SLC19A1: variants seen among roughly 807,000 people sequenced by gnomAD.
The protein encoded by SLC19A1 is solute carrier family 19 member 1.
Under a neutral mutation model 35.3 loss-of-function variants are expected in SLC19A1, and 37 were observed. The ratio of observed to expected loss-of-function variants is 1.05; its 90% confidence interval spans 0.81 to 1.38. The LOEUF (loss-of-function observed/expected upper bound fraction) is 1.38. Among genes scored for constraint, SLC19A1 ranks in the 40% most tolerant of loss-of-function variants. The pLI, the probability that SLC19A1 is intolerant of heterozygous loss-of-function variation, is 0.00. For missense variants in SLC19A1, 831 were observed against 826.9 expected (o/e 1.00, Z -0.06); for synonymous variants, 460 against 398.5 (o/e 1.15, Z -1.84).
chr21:45,557,673 C>T lies in SLC19A1; in HGVS notation c.-50+5069G>A, dbSNP rs147436174. On this transcript the variant is annotated intron_variant, in intron 1 of 5. Coordinates refer to the SLC19A1 transcript ENST00000650808. ...AGCAGAAGGGATGCTCTGAGGCTCC[C>T]GGGGAGCCTCAACCCTCCACCACAC... Among the ~76,000 whole-genome samples, 461 of 152,150 alleles carry T rather than the reference C, an allele frequency of 3.0e-3. 1 individual carries two copies. The highest frequency in any genetic ancestry group is 0.01 in the Middle Eastern group (3 of 294).
chr21:45,557,732 C>T (rs758925027), intron 1 of SLC19A1, among the ~76,000 whole-genome samples: 7 of 152,132 alleles, frequency 4.6e-5, no homozygotes, highest in Non-Finnish European at 7.3e-5. Context: ...CCGTGTCCTG[C>T]GCTCTGGTGA....
chr21:45,511,182 C>T (rs886057135), downstream of SLC19A1: 1 of 1,600,648 alleles, frequency 6.2e-7, no homozygotes, highest in South Asian at 1.1e-5. Context: ...CCGGGGCACG[C>T]ATCTTCTCCT....
chr21:45,505,230 C>CT, intron 3 of SLC19A1: 1 of 1,594,414 alleles, frequency 6.3e-7, no homozygotes. Flanking sequence ...CCCTCCCGGC[C>CT]CCCCAGGCCC....
At chr21:45,536,860 AGC>A (rs1471223678) in intron 2 of SLC19A1, among the ~76,000 whole-genome samples, 2 of 152,040 alleles carry the variant, frequency 1.3e-5, no homozygotes, top group Non-Finnish European at 2.9e-5. Flanking sequence ...AGCCTGTGAG[AGC>A]GCTTTTCCAG....
Position 45,505,973 on chromosome 21 carries a change from G to A in SLC19A1, c.498-7361C>T, listed in dbSNP as rs370117658. 78 of 1,612,892 alleles carry A rather than the reference G, an allele frequency of 4.8e-5. No individual in the cohort carries two copies. Among genetic ancestry groups the A allele is most frequent in the Non-Finnish European group, 6.1e-5 (72 of 1,179,932 alleles). On this transcript the variant is annotated intron_variant, in intron 3 of 4. Coordinates refer to the SLC19A1 transcript ENST00000417954. ...CGGGTTCCGGAAGGTCCAGGTGAGC[G>A]CTCTGTGTGACGGGTTCTGGACCCG...
intron 1 of SLC19A1, among the ~76,000 whole-genome samples, chr21:45,560,828 G>A (rs1005177749): frequency 4.6e-5 from 7 of 152,356 alleles, no homozygotes; most frequent in African/African-American, 1.2e-4. Flanking sequence ...AGGGAGGCCC[G>A]AGCCCCGGAG....
intron 3 of SLC19A1, chr21:45,506,052 C>T: frequency 1.9e-6 from 3 of 1,600,506 alleles, no homozygotes; most frequent in Middle Eastern, 1.9e-4. Flanking sequence ...GGCTCAGGCC[C>T]CGGACAGGGA....
At chr21:45,526,016 G>A (rs1158616888) in intron 4 of SLC19A1, 58 bp from the exon 5 acceptor site, 2 of 1,583,206 alleles carry the variant, frequency 1.3e-6, no homozygotes, top group African/African-American at 2.7e-5. Context: ...GCAGCCACAG[G>A]GAAAAGCCTG....
Position 45,514,966 on chromosome 21 carries a change from G to A in SLC19A1, c.*692C>T. The A allele has an allele frequency of 4.7e-6, 7 of 1,485,790 alleles. No homozygotes were observed. The highest frequency in any genetic ancestry group is 6.2e-6 in the Non-Finnish European group (7 of 1,121,070). The allele number at this position is 1,485,790 out of a possible 1,614,324, so 92.0% of individuals were successfully genotyped here. On this transcript the variant is annotated 3_prime_UTR_variant, in exon 6 of 6. Coordinates refer to ENST00000311124, the MANE Select transcript of SLC19A1 (RefSeq NM_194255.4). ...TGGCACAAGTGTGGGAGCAGCTGAG[G>A]ACCCGCAGGTCAGGATGGACACACT...
intron 1 of SLC19A1, among the ~76,000 whole-genome samples, chr21:45,559,245 C>A (rs1351605718): frequency 6.6e-6 from 1 of 152,230 alleles, no homozygotes; most frequent in Non-Finnish European, 1.5e-5. Context: ...CCATGAAGAA[C>A]TGCCAGCCCC....
Position 45,530,714 on chromosome 21 carries a change from C to T in SLC19A1, c.1151+56G>A, listed in dbSNP as rs930260678. 2.6e-6 allele frequency: 4 copies of T among 1,517,094 alleles called. No homozygotes were observed. Among genetic ancestry groups the T allele is most frequent in the Non-Finnish European group, 3.6e-6 (4 of 1,122,188 alleles). The allele number at this position is 1,517,094 out of a possible 1,614,324, so 94.0% of individuals were successfully genotyped here. On this transcript the variant is annotated intron_variant, in intron 4 of 5. Coordinates refer to ENST00000311124, the MANE Select transcript of SLC19A1 (RefSeq NM_194255.4). This position sits in a 1 kb window ranked among gnomAD's most constrained non-coding sequence, Gnocchi z 5.3. ...GAAGGTGGGAGCACCCAGCGAAGCG[C>T]GGGGCTTGATCCTGGCGCCTGCCCG...
chr21:45,537,989 G>T lies in SLC19A1; in HGVS notation c.-30C>A. The T allele has an allele frequency of 1.4e-6, 2 of 1,470,314 alleles. No individual in the cohort carries two copies. The highest frequency in any genetic ancestry group is 1.8e-6 in the Non-Finnish European group (2 of 1,106,598). The allele number at this position is 1,470,314 out of a possible 1,614,324, so 91.1% of individuals were successfully genotyped here. A position where few individuals can be genotyped will look rare whatever the true frequency, so the allele number is the denominator to read the frequency against. ...CTCAGGCCACGTGCAGCTCCGGAGG[G>T]GACGAAGGTGACGCTGTGCCTGGAA... is the stretch of plus-strand genomic sequence containing the variant. On this transcript the variant is annotated 5_prime_UTR_variant, in exon 2 of 6. Coordinates refer to ENST00000311124, the MANE Select transcript of SLC19A1 (RefSeq NM_194255.4).
intron 2 of SLC19A1, among the ~76,000 whole-genome samples, chr21:45,537,171 G>A (rs1284420933): frequency 6.6e-6 from 1 of 152,198 alleles, no homozygotes; most frequent in African/African-American, 2.4e-5. Flanking sequence ...CCTGGCGGGT[G>A]GGGTGGGGCA....
At chr21:45,537,719 T>TGGGGGGGGGGGCCCCCCCCCCC in intron 2 of SLC19A1, 52 bp downstream of exon 2, 1 of 319,776 alleles carries the variant, frequency 3.1e-6, no homozygotes, top group Non-Finnish European at 5.6e-6. Context: ...CAGACGCTGC[T>TGGGGGGGGGGGCCCCCCCCCCC]CCCCGCCCAC....
At chr21:45,518,050 GACA>G (rs2038055825) in intron 5 of SLC19A1, among the ~76,000 whole-genome samples, 1 of 152,170 alleles carries the variant, frequency 6.6e-6, no homozygotes, top group South Asian at 2.1e-4. Context: ...CCAACACTAA[GACA>G]ACACAGACAG....
At chr21:45,558,133 A>C (rs1327905898) in intron 1 of SLC19A1, among the ~76,000 whole-genome samples, 1 of 152,204 alleles carries the variant, frequency 6.6e-6, no homozygotes, top group African/African-American at 2.4e-5. Flanking sequence ...CTGACGAGAG[A>C]CTGGAGGCGG....
At chr21:45,509,516 C>A (rs756361479), downstream of SLC19A1, 32 of 1,532,398 alleles carry the variant, frequency 2.1e-5, no homozygotes, top group Non-Finnish European at 2.7e-5. Flanking sequence ...TACCCCGGAG[C>A]CCCGCACCAC....
chr21:45,503,991 C>T lies in SLC19A1; in HGVS notation c.498-5379G>A, dbSNP rs374334469. On this transcript the variant is annotated intron_variant, in intron 3 of 4. Transcript: ENST00000417954. ...GTCAGACACCACCTCAGCGAGACCC[C>T]GCCTGTCTCTCTCTTGCAGGGCAGT... 2.3e-5 allele frequency: 37 copies of T among 1,613,266 alleles called. No individual in the cohort carries two copies. Among genetic ancestry groups the T allele is most frequent in the Middle Eastern group, 1.6e-4 (1 of 6,082 alleles).
chr21:45,532,217 C>T, intron 2 of SLC19A1, 69 bp from the exon 3 acceptor site: 1 of 1,347,564 alleles, frequency 7.4e-7, no homozygotes, highest in Non-Finnish European at 1.0e-6. Context: ...CACAGCCCGC[C>T]CGAGGTGATG....
Sources: gnomAD v4.1 joint callset for allele counts (sites outside exome capture counted in the v4.1 genomes callset) on GRCh38, gnomAD v4.1.1 for gene constraint, Gnocchi (gnomAD v3.1) non-coding constraint, MANE v1.5 for transcripts, NCBI Gene and HGNC (gene_info 2026-07-23, HGNC 2026-07-21) for gene names.